The following ADARB2 variants were observed in gnomAD, a reference collection of about 807,000 sequenced individuals.
ADARB2 encodes the protein inactive double-stranded RNA-specific editase B2.
A neutral mutation model predicts 62.2 loss-of-function variants in ADARB2; 25 were observed. The observed-to-expected ratio is 0.40, with a 90% CI of 0.29 to 0.56. The LOEUF is 0.56. ADARB2 is among the 20% of genes least tolerant of loss of function. The probability of loss-of-function intolerance (pLI) is 0.43; values close to 1 mark genes in which losing one functional copy is unlikely to be tolerated. For synonymous variants in ADARB2, 572 were observed against 500.8 expected (o/e 1.14, Z -1.90); for missense variants, 1,071 against 1,077.4 (o/e 0.99, Z 0.08).
At chr10:1,730,494 C>T (rs1009281417) in intron 1 of ADARB2, among the ~76,000 whole-genome samples, 10 of 152,142 alleles carry the variant, frequency 6.6e-5, no homozygotes, top group African/African-American at 2.4e-4. Context: ...TGCCCTCTGC[C>T]TTGGAAGCAG....
At chr10:1,465,474 G>C (rs1831242277) in intron 1 of ADARB2, among the ~76,000 whole-genome samples, 1 of 152,192 alleles carries the variant, frequency 6.6e-6, no homozygotes, top group South Asian at 2.1e-4. Flanking sequence ...GGCACCAGGG[G>C]GTCGGGGACG....
intron 1 of ADARB2, among the ~76,000 whole-genome samples, chr10:1,412,252 G>C (rs1278444077): frequency 6.6e-6 from 1 of 152,126 alleles, no homozygotes; most frequent in Non-Finnish European, 1.5e-5. Context: ...TCAGTTCCCA[G>C]GAAACCCTCG....
At chr10:1,189,475 CAT>C (rs1836807648) in intron 8 of ADARB2, among the ~76,000 whole-genome samples, 2 of 152,082 alleles carry the variant, frequency 1.3e-5, no homozygotes, top group African/African-American at 4.8e-5. Context: ...GGTGAAGACA[CAT>C]GTGCTCAGGC....
intron 8 of ADARB2, among the ~76,000 whole-genome samples, chr10:1,198,991 G>A (rs143357316): frequency 0.018 from 2,743 of 152,336 alleles, 50 homozygotes; most frequent in Middle Eastern, 0.051. Flanking sequence ...AGCGGGGATG[G>A]CCTAAGGAAA....
chr10:1,576,679 G>A (rs563667252), intron 1 of ADARB2, among the ~76,000 whole-genome samples: 4 of 152,146 alleles, frequency 2.6e-5, no homozygotes, highest in African/African-American at 4.8e-5. Context: ...GCGGAGGGGC[G>A]CTGTGCACCC....
At chr10:1,650,970 TC>T (rs1387085557) in intron 1 of ADARB2, among the ~76,000 whole-genome samples, 1 of 152,162 alleles carries the variant, frequency 6.6e-6, no homozygotes, top group African/African-American at 2.4e-5. Flanking sequence ...CAGCTTGGTC[TC>T]CCAAGCCGAG....
rs113642624 is a variant in ADARB2, at chr10:1,596,599, C to T, written c.100+140452G>A. Among the ~76,000 whole-genome samples, 1,497 of 152,300 alleles carry T rather than the reference C, an allele frequency of 9.8e-3. 19 individuals are homozygous for T. Among genetic ancestry groups the T allele is most frequent in the African/African-American group, 0.034 (1,411 of 41,552 alleles). Reference sequence around the variant, plus strand: ...ATGCTTCCTGGCACAGGCCCTGATCCCTGCAGGGGCTGGGGAGGTGCCGAG... The same window carrying T: ...ATGCTTCCTGGCACAGGCCCTGATCTCTGCAGGGGCTGGGGAGGTGCCGAG... On this transcript the variant is annotated intron_variant, in intron 1 of 9. Coordinates refer to ENST00000381312, the MANE Select transcript of ADARB2 (RefSeq NM_018702.4).
intron 3 of ADARB2, among the ~76,000 whole-genome samples, chr10:1,339,092 C>T (rs1225925360): frequency 6.6e-6 from 1 of 152,208 alleles, no homozygotes; most frequent in East Asian, 1.9e-4. Context: ...TGTTGGGTTT[C>T]TCCTCCCTGG....
intron 1 of ADARB2, among the ~76,000 whole-genome samples, chr10:1,487,136 G>A (rs183505344): frequency 2.6e-4 from 40 of 152,348 alleles, no homozygotes; most frequent in Admixed American, 2.0e-3. Context: ...TTTCAGCCCT[G>A]CTCCCCTTGG....
intron 1 of ADARB2, among the ~76,000 whole-genome samples, chr10:1,519,370 G>C (rs142852802): frequency 3.9e-5 from 6 of 152,224 alleles, no homozygotes; most frequent in Non-Finnish European, 8.8e-5. Context: ...CATGCATTCT[G>C]TGTAACGACT....
chr10:1,467,063 G>A (rs963961160), intron 1 of ADARB2, among the ~76,000 whole-genome samples: 4 of 149,644 alleles, frequency 2.7e-5, no homozygotes, highest in African/African-American at 4.9e-5. Flanking sequence ...TCTCTCTCTC[G>A]CTTTCTCTCC....
intron 1 of ADARB2, among the ~76,000 whole-genome samples, chr10:1,603,968 C>T (rs1833463883): frequency 6.6e-6 from 1 of 151,984 alleles, no homozygotes; most frequent in South Asian, 2.1e-4. Context: ...TCATGCCTGA[C>T]TAATTTTTGT....
At chr10:1,729,337 T>C (rs546384953) in intron 1 of ADARB2, among the ~76,000 whole-genome samples, 25 of 152,350 alleles carry the variant, frequency 1.6e-4, no homozygotes, top group Non-Finnish European at 2.8e-4. Flanking sequence ...ATACTTTACA[T>C]TTCTGTCCTC....
intron 1 of ADARB2, among the ~76,000 whole-genome samples, chr10:1,734,886 G>GT (rs1430995322): frequency 6.6e-6 from 1 of 152,146 alleles, no homozygotes; most frequent in Non-Finnish European, 1.5e-5. Context: ...ACTCACCATT[G>GT]TTTTTATAAA....
intron 5 of ADARB2, among the ~76,000 whole-genome samples, chr10:1,240,710 G>C (rs1193198251): frequency 6.6e-6 from 1 of 152,174 alleles, no homozygotes; most frequent in Admixed American, 6.5e-5. Context: ...GCACCTGTCT[G>C]TGGACCCCCC....
chr10:1,559,816 A>G (rs1832763125), intron 1 of ADARB2, among the ~76,000 whole-genome samples: 1 of 152,242 alleles, frequency 6.6e-6, no homozygotes, highest in African/African-American at 2.4e-5. Flanking sequence ...GATAGGACTA[A>G]GCAAGCAAAA....
chr10:1,518,129 A>G (rs1261434013), intron 1 of ADARB2, among the ~76,000 whole-genome samples: 1 of 152,228 alleles, frequency 6.6e-6, no homozygotes, highest in Admixed American at 6.5e-5. Context: ...TTAGAAAAGC[A>G]AGTGCTCCAG....
chr10:1,377,378 CACATGT>C (rs1259180464), intron 2 of ADARB2, among the ~76,000 whole-genome samples: 1 of 126,604 alleles, frequency 7.9e-6, no homozygotes, highest in Non-Finnish European at 1.6e-5. Context: ...GGTGTGTGTG[CACATGT>C]GCATGTGCGC....
At chr10:1,457,440 G>A (rs571079509) in intron 1 of ADARB2, among the ~76,000 whole-genome samples, 7 of 152,260 alleles carry the variant, frequency 4.6e-5, no homozygotes, top group African/African-American at 1.7e-4. Flanking sequence ...CCCAGCTGTG[G>A]GTGGAAGGTG....
Sources: gnomAD v4.1 joint callset for allele counts (sites outside exome capture counted in the v4.1 genomes callset) on GRCh38, gnomAD v4.1.1 for gene constraint, MANE v1.5 for transcripts, NCBI Gene and HGNC (gene_info 2026-07-23, HGNC 2026-07-21) for gene names.